ENTPD1: variants seen among roughly 807,000 people sequenced by gnomAD.
ENTPD1 encodes the protein ectonucleoside triphosphate diphosphohydrolase 1, also known as ATP diphosphohydrolase.
Under a neutral mutation model 57.0 loss-of-function variants are expected in ENTPD1, and 33 were observed. The ratio of observed to expected loss-of-function variants is 0.58; its 90% CI spans 0.44 to 0.77. The LOEUF is 0.77. Among genes scored for constraint, ENTPD1 ranks in the 30% least tolerant of loss-of-function variants. ENTPD1 has a pLI of 0.00. For synonymous variants in ENTPD1, 202 were observed against 218.8 expected (o/e 0.92, Z 0.68); for missense variants, 501 against 603.4 (o/e 0.83, Z 1.78).
chr10:95,869,752 A>T lies in ENTPD1; in HGVS notation c.*3369A>T, dbSNP rs1192082058. On this transcript the variant is annotated 3_prime_UTR_variant, in exon 10 of 10. Transcript: ENST00000371205. ...AAGAGATGGATGGTATGGTACACTC[A>T]AACTGGGTAACACAGGAGAGTTTTC... 2 of 850,962 alleles carry T rather than the reference A, an allele frequency of 2.4e-6. No individual in the cohort carries two copies. The highest frequency in any genetic ancestry group is 3.7e-5 in the African/African-American group (2 of 54,428). The allele number at this position is 850,962 out of a possible 1,614,324, so 52.7% of individuals were successfully genotyped here. A position where few individuals can be genotyped will look rare whatever the true frequency, so the allele number is the denominator to read the frequency against.
intron 7 of ENTPD1, among the ~76,000 whole-genome samples, chr10:95,853,106 T>C (rs1486066449): frequency 6.6e-6 from 1 of 152,224 alleles, no homozygotes; most frequent in African/African-American, 2.4e-5. Flanking sequence ...TTTTATTTCA[T>C]TGAGCAGTGG....
At chr10:95,736,879 G>A (rs1369857026) in intron 1 of ENTPD1, among the ~76,000 whole-genome samples, 1 of 152,146 alleles carries the variant, frequency 6.6e-6, no homozygotes, top group East Asian at 1.9e-4. Flanking sequence ...ACTCCCAGTA[G>A]TTTCTCAGCT....
rs781158686 is a variant in ENTPD1 at position 95,847,530 on chromosome 10, C to T, written c.898C>T (p.Pro300Ser). ...GAACGTAAGTGACCTTTACAAGACC[C>T]CCTGCACCAAGAGATTTGAGATGAC... ...VVNVSDLYKT[P>S]CTKRFEMTLP... Residue 300 changes from proline (P) to serine (S), a missense_variant, in exon 7 of 10, where the codon CCC (proline) becomes TCC (serine). Coordinates refer to ENST00000371205, the MANE Select transcript of ENTPD1 (RefSeq NM_001776.6). 1.9e-6 allele frequency: 3 copies of T among 1,614,136 alleles called. No individual in the cohort carries two copies. The highest frequency in any genetic ancestry group is 4.5e-5 in the East Asian group (2 of 44,888).
At chr10:95,742,943 G>A (rs2098002032) in intron 1 of ENTPD1, among the ~76,000 whole-genome samples, 1 of 152,178 alleles carries the variant, frequency 6.6e-6, no homozygotes, top group Non-Finnish European at 1.5e-5. Context: ...CCAGTTCCCT[G>A]ATTATTAACA....
chr10:95,745,874 C>G (rs1312577942), intron 1 of ENTPD1, among the ~76,000 whole-genome samples: 1 of 152,190 alleles, frequency 6.6e-6, no homozygotes, highest in East Asian at 1.9e-4. Context: ...GTTGGCCATT[C>G]TGCCACATTC....
intron 1 of ENTPD1, among the ~76,000 whole-genome samples, chr10:95,794,931 G>T (rs1402153062): frequency 6.6e-6 from 1 of 152,134 alleles, no homozygotes; most frequent in African/African-American, 2.4e-5. Context: ...GGAGACCCAG[G>T]GAGGGGCCAG....
intron 1 of ENTPD1, among the ~76,000 whole-genome samples, chr10:95,789,828 C>T (rs1187146744): frequency 6.6e-6 from 1 of 152,194 alleles, no homozygotes; most frequent in Non-Finnish European, 1.5e-5. Context: ...AACTGCATTA[C>T]ATACTATACT....
intron 6 of ENTPD1, 194 bp downstream of exon 6, chr10:95,845,790 T>A: frequency 3.9e-6 from 3 of 771,736 alleles, no homozygotes; most frequent in Non-Finnish European, 4.3e-6. Context: ...CCCTCCCATG[T>A]TTGTTTACTG....
chr10:95,787,336 T>A (rs965318752), intron 1 of ENTPD1, among the ~76,000 whole-genome samples: 1 of 152,230 alleles, frequency 6.6e-6, no homozygotes, highest in African/African-American at 2.4e-5. Flanking sequence ...TGTGTAAACA[T>A]GAAGCTCCAC....
At chr10:95,744,170 C>A (rs775150523) in intron 1 of ENTPD1, among the ~76,000 whole-genome samples, 1 of 151,778 alleles carries the variant, frequency 6.6e-6, no homozygotes, top group African/African-American at 2.4e-5. Context: ...TGTCTATAAC[C>A]TTCCACTCTA....
intron 5 of ENTPD1, among the ~76,000 whole-genome samples, chr10:95,845,032 C>T (rs577019003): frequency 3.3e-5 from 5 of 152,314 alleles, no homozygotes; most frequent in South Asian, 4.1e-4. Context: ...AGCCCCATAT[C>T]GATGCCTAGA....
At chr10:95,729,652 T>C (rs2097987297) in intron 1 of ENTPD1, among the ~76,000 whole-genome samples, 1 of 152,204 alleles carries the variant, frequency 6.6e-6, no homozygotes, top group African/African-American at 2.4e-5. Context: ...CAACTTTATG[T>C]TCCCTTTTAT....
At chr10:95,863,518 A>G (rs942153085) in intron 8 of ENTPD1, among the ~76,000 whole-genome samples, 1 of 152,234 alleles carries the variant, frequency 6.6e-6, no homozygotes, top group Non-Finnish European at 1.5e-5. Context: ...GGAATCAATC[A>G]AAGGATAATT....
chr10:95,821,114 G>A (rs1165545394), intron 1 of ENTPD1, among the ~76,000 whole-genome samples: 1 of 152,224 alleles, frequency 6.6e-6, no homozygotes, highest in East Asian at 1.9e-4. Context: ...GCTTAGGGCT[G>A]TGTTTGTCAA....
chr10:95,762,969 C>G (rs1352355945), intron 1 of ENTPD1, among the ~76,000 whole-genome samples: 1 of 152,038 alleles, frequency 6.6e-6, no homozygotes, highest in African/African-American at 2.4e-5. Flanking sequence ...CATCCTTTTC[C>G]TGTTTATTAT....
chr10:95,806,468 C>A (rs557384605), intron 1 of ENTPD1, among the ~76,000 whole-genome samples: 2 of 152,252 alleles, frequency 1.3e-5, no homozygotes, highest in African/African-American at 4.8e-5. Flanking sequence ...TTATTACTAA[C>A]CTTCTGAAGC....
chr10:95,838,131 A>T (rs1263421118), intron 2 of ENTPD1, among the ~76,000 whole-genome samples: 1 of 151,986 alleles, frequency 6.6e-6, no homozygotes, highest in African/African-American at 2.4e-5. Context: ...ACTTCCCTCT[A>T]TGTTTCTTCT....
intron 7 of ENTPD1, among the ~76,000 whole-genome samples, chr10:95,848,025 C>T (rs569418429): frequency 1.1e-4 from 17 of 152,202 alleles, no homozygotes; most frequent in East Asian, 7.7e-4. Flanking sequence ...ACTGCCTTTC[C>T]GGAATGGGGG....
chr10:95,853,368 C>T (rs1163503896), intron 7 of ENTPD1, among the ~76,000 whole-genome samples: 1 of 152,176 alleles, frequency 6.6e-6, no homozygotes, highest in African/African-American at 2.4e-5. Context: ...ACAATCATGT[C>T]ATCTGCAAAC....
Sources: allele counts gnomAD v4.1 joint callset (sites outside exome capture counted in the v4.1 genomes callset), GRCh38; gene constraint gnomAD v4.1.1; transcripts MANE v1.5; gene names NCBI Gene and HGNC (gene_info 2026-07-23, HGNC 2026-07-21).